Variants in MAP2K5 observed in about 807,000 individuals in gnomAD.
MAP2K5 encodes the protein dual specificity mitogen-activated protein kinase kinase 5.
In MAP2K5, 49 loss-of-function variants were observed where a neutral mutation model predicts 83.1. The ratio of observed to expected loss-of-function variants is 0.59; its 90% CI spans 0.47 to 0.75. MAP2K5 has a LOEUF of 0.75. Among genes scored for constraint, MAP2K5 ranks in the 30% least tolerant of loss-of-function variants. The probability of loss-of-function intolerance (pLI) is 0.00; values close to 1 mark genes in which losing one functional copy is unlikely to be tolerated. For synonymous variants in MAP2K5, 202 were observed against 191.8 expected (o/e 1.05, Z -0.44); for missense variants, 457 against 557.5 (o/e 0.82, Z 1.82).
chr15:67,723,917 C>A (rs1056153061), intron 16 of MAP2K5, among the ~76,000 whole-genome samples: 1 of 152,010 alleles, frequency 6.6e-6, no homozygotes, highest in African/African-American at 2.4e-5. Context: ...TCTAAATCTA[C>A]ATACAAAGGT....
chr15:67,614,622 T>C (rs2086012105), intron 8 of MAP2K5, among the ~76,000 whole-genome samples: 3 of 152,224 alleles, frequency 2.0e-5, no homozygotes, highest in Admixed American at 2.0e-4. Flanking sequence ...GACTGTAGTT[T>C]CCTTGATCTC....
Position 67,802,730 on chromosome 15 carries a change from G to C in MAP2K5, c.1243-3916G>C, listed in dbSNP as rs1336846076. 6.6e-6 allele frequency among the ~76,000 whole-genome samples: 1 copy of C among 152,246 alleles called. No individual in the cohort carries two copies. The highest frequency in any genetic ancestry group is 1.5e-5 in the Non-Finnish European group (1 of 68,042). ...GGGGCGGTCACCGTGGGTGGAAGAT[G>C]CTCTTGACAAGCATCTGTATTGGTG... On this transcript the variant is annotated intron_variant, in intron 21 of 21. Transcript: ENST00000178640. This position sits in a 1 kb window ranked among gnomAD's most constrained non-coding sequence, Gnocchi z 5.0.
intron 13 of MAP2K5, among the ~76,000 whole-genome samples, chr15:67,671,237 G>T (rs2087526611): frequency 6.6e-6 from 1 of 152,150 alleles, no homozygotes; most frequent in African/African-American, 2.4e-5. Flanking sequence ...AGACATAAAA[G>T]AAAAGAAAGA....
At chr15:67,575,931 T>TCTTTCTTTCTTTCTTTCTTTCTTTCTTTC (rs1596583496) in intron 3 of MAP2K5, among the ~76,000 whole-genome samples, 6 of 146,904 alleles carry the variant, frequency 4.1e-5, no homozygotes, top group African/African-American at 1.0e-4. Flanking sequence ...TTTTTTTTTT[T>TCTTTCTTTCTTTCTTTCTTTCTTTCTTTC]TTTTTTAAGA....
rs1249115162 is a variant in MAP2K5 at position 67,600,600 on chromosome 15, G to A, written c.481-85G>A. 1.3e-5 allele frequency: 13 copies of A among 1,016,826 alleles called. No homozygotes were observed. The East Asian group carries it at 3.2e-4, about 25-fold the overall frequency. The allele number at this position is 1,016,826 out of a possible 1,614,324, so 63.0% of individuals were successfully genotyped here. ...GAACTTGAAATGACCCAGACTGCTTGTTGTTTATGGCCCAGAGTTGCTTTT... is the reference window on the plus strand; with the variant it reads ...GAACTTGAAATGACCCAGACTGCTTATTGTTTATGGCCCAGAGTTGCTTTT... On this transcript the variant is annotated intron_variant, in intron 7 of 21. Coordinates refer to ENST00000178640, the MANE Select transcript of MAP2K5 (RefSeq NM_145160.3).
chr15:67,726,533 A>C (rs922399197), intron 16 of MAP2K5, among the ~76,000 whole-genome samples: 8 of 152,270 alleles, frequency 5.3e-5, no homozygotes, highest in Non-Finnish European at 1.0e-4. Flanking sequence ...AAACAATTAC[A>C]AAAGGAGAAT....
intron 8 of MAP2K5, among the ~76,000 whole-genome samples, chr15:67,619,783 T>A (rs1485080955): frequency 6.7e-6 from 1 of 149,348 alleles, no homozygotes; most frequent in African/African-American, 2.5e-5. Context: ...AAATAAAAAT[T>A]AGCCAGCCAT....
At chr15:67,590,778 G>T (rs1188484063) in intron 6 of MAP2K5, among the ~76,000 whole-genome samples, 1 of 151,932 alleles carries the variant, frequency 6.6e-6, no homozygotes, top group African/African-American at 2.4e-5. Context: ...ATGTATTTAT[G>T]ATCTTAATGT....
intron 19 of MAP2K5, among the ~76,000 whole-genome samples, chr15:67,766,263 G>A (rs2090039635): frequency 6.6e-6 from 1 of 152,186 alleles, no homozygotes. Flanking sequence ...TTTGGTTAAG[G>A]TTGTGTCCAC....
intron 1 of MAP2K5, among the ~76,000 whole-genome samples, chr15:67,549,802 A>G (rs1250556542): frequency 6.6e-6 from 1 of 152,216 alleles, no homozygotes; most frequent in Non-Finnish European, 1.5e-5. Flanking sequence ...AGAATAAAAT[A>G]TGTTATTAAT....
In MAP2K5 at chr15:67,638,271, G is replaced by A. The variant is rs1376360034; in HGVS notation, c.585+7344G>A. On this transcript the variant is annotated intron_variant, in intron 9 of 21. Transcript: ENST00000178640. The surrounding 1 kb of genome is among the most constrained non-coding windows in gnomAD (Gnocchi z 4.5). The stretch of plus-strand genomic sequence containing the variant: ...CAGTGTGTGGTGTTTCCCTCTATGT[G>A]TCCATGTGTTCTCATAAGTTAGCTC... Among the ~76,000 whole-genome samples, 3 of 152,046 alleles carry A rather than the reference G, an allele frequency of 2.0e-5. No homozygotes were observed. The highest frequency in any genetic ancestry group is 2.9e-5 in the Non-Finnish European group (2 of 68,024).
rs549291244 is a variant in MAP2K5, at chr15:67,573,454, C to A, written c.253-7300C>A. On this transcript the variant is annotated intron_variant, in intron 3 of 21. Coordinates refer to ENST00000178640, the MANE Select transcript of MAP2K5 (RefSeq NM_145160.3). This position sits in a 1 kb window ranked among gnomAD's most constrained non-coding sequence, Gnocchi z 4.2. The stretch of plus-strand genomic sequence containing the variant: ...TTAAACCATCAGATCTCGTGAGAAT[C>A]CACTCACTATCATGAGAACAGCAAG... 2.6e-5 allele frequency among the ~76,000 whole-genome samples: 4 copies of A among 152,002 alleles called. No homozygotes were observed. The highest frequency in any genetic ancestry group is 5.9e-5 in the Non-Finnish European group (4 of 67,990).
chr15:67,797,350 G>A (rs1411646607), intron 21 of MAP2K5, among the ~76,000 whole-genome samples: 1 of 152,186 alleles, frequency 6.6e-6, no homozygotes, highest in Admixed American at 6.5e-5. Flanking sequence ...AGTACATCAA[G>A]AGTTGTGTCA....
At chr15:67,560,913 T>C (rs774019505) in intron 2 of MAP2K5, among the ~76,000 whole-genome samples, 20 of 152,068 alleles carry the variant, frequency 1.3e-4, no homozygotes, top group Admixed American at 4.6e-4. Flanking sequence ...TGCCCCCCCC[T>C]TTTTTTAAAT....
Position 67,582,079 on chromosome 15 carries a change from TC to T in MAP2K5, c.322+1257del, listed in dbSNP as rs2085190792. On this transcript the variant is annotated intron_variant, in intron 4 of 21. Transcript: ENST00000178640. ...GATTTCTTTTTTTTTTTTTTTTTTT[TC>T]GAGACAGAGTCTCGCTCTGCCACCA... Among the ~76,000 whole-genome samples, 5 of 149,938 alleles carry T rather than the reference TC, an allele frequency of 3.3e-5. No homozygotes were observed. In the South Asian group the frequency reaches 8.6e-4, roughly 26 times the overall value.
rs779670221 is a variant in MAP2K5, at chr15:67,680,534, TAA to T, written c.848-11944_848-11943del. On this transcript the variant is annotated intron_variant, in intron 13 of 21. Coordinates refer to ENST00000178640, the MANE Select transcript of MAP2K5 (RefSeq NM_145160.3). Reference sequence around the variant, plus strand: ...AAAGGTCATATGATAGCTTTATGTTTAAGTTTTAAAGACACTTTGAGGCTGAT... The same window carrying T: ...AAAGGTCATATGATAGCTTTATGTTTGTTTTAAAGACACTTTGAGGCTGAT... Among the ~76,000 whole-genome samples the T allele has an allele frequency of 7.9e-5, 12 of 152,342 alleles. 1 individual carries two copies. The East Asian group carries it at 2.3e-3, about 29-fold the overall frequency.
At chr15:67,662,481 A>T (rs1386927178) in intron 12 of MAP2K5, among the ~76,000 whole-genome samples, 2 of 152,152 alleles carry the variant, frequency 1.3e-5, no homozygotes, top group Admixed American at 6.5e-5. Flanking sequence ...GTAAATTTTG[A>T]CCAATAGTGA....
intron 17 of MAP2K5, among the ~76,000 whole-genome samples, chr15:67,744,032 C>T (rs902507709): frequency 2.6e-5 from 4 of 152,286 alleles, no homozygotes; most frequent in African/African-American, 7.2e-5. Flanking sequence ...TGACTTTGAG[C>T]GCTGCTCCCC....
chr15:67,593,883 T>G, intron 7 of MAP2K5, among the ~76,000 whole-genome samples: 1 of 152,242 alleles, frequency 6.6e-6, no homozygotes, highest in East Asian at 1.9e-4. Context: ...TCACTGGCAT[T>G]TCATGAATCA....
Sources: allele counts gnomAD v4.1 joint callset (sites outside exome capture counted in the v4.1 genomes callset), GRCh38; gene constraint gnomAD v4.1.1; non-coding constraint Gnocchi (gnomAD v3.1); transcripts MANE v1.5; gene names NCBI Gene and HGNC (gene_info 2026-07-23, HGNC 2026-07-21).